The following ZNF268 variants were observed in gnomAD, a reference collection of about 807,000 sequenced individuals.
The protein encoded by ZNF268 is zinc finger protein 3.
A neutral mutation model predicts 29.3 loss-of-function variants in ZNF268; 20 were observed. The ratio of observed to expected loss-of-function variants is 0.68; its 90% confidence interval spans 0.48 to 0.99. The LOEUF (loss-of-function observed/expected upper bound fraction) is 0.99. Among genes scored for constraint, ZNF268 ranks in the 50% least tolerant of loss-of-function variants. ZNF268 has a pLI of 0.00. For synonymous variants in ZNF268, 429 were observed against 376.9 expected, an observed-to-expected ratio of 1.14 and a Z score of -1.60; for missense variants, 1,240 against 1,121.6, an observed-to-expected ratio of 1.11 and a Z score of -1.51.
intron 5 of ZNF268, among the ~76,000 whole-genome samples, chr12:133,201,614 G>A (rs550627591): frequency 6.6e-6 from 1 of 152,106 alleles, no homozygotes; most frequent in East Asian, 1.9e-4. Context: ...TCCTGTTAAG[G>A]AATGATGTTC....
rs1251538307 is a variant in ZNF268 at position 133,207,899 on chromosome 12, G to A, written c.*3369G>A. The A allele has an allele frequency of 6.6e-6, 1 of 152,080 alleles. No homozygotes were observed. 9.4% of individuals were successfully genotyped at this position (152,080 alleles called of 1,614,324 possible). On this transcript the variant is annotated 3_prime_UTR_variant, in exon 6 of 6. Transcript: ENST00000536435. ...ACTCATAAGGATTATCTCAGTATAT[G>A]CTGATAAATCACTTGATGGAATTTA...
rs1956925301 is a variant in ZNF268 at position 133,207,778 on chromosome 12, A to C, written c.*3248A>C. On this transcript the variant is annotated 3_prime_UTR_variant, in exon 6 of 6. Coordinates refer to ENST00000536435, the MANE Select transcript of ZNF268 (RefSeq NM_003415.3). ...AGCTGAGATCGTACCACTGTACTCC[A>C]CCCTGGGTGACAGAACTAGACCCTG... The C allele has an allele frequency of 6.6e-6, 1 of 152,200 alleles. No homozygotes were observed. The highest frequency in any genetic ancestry group is 6.5e-5 in the Admixed American group (1 of 15,274). 9.4% of individuals were successfully genotyped at this position (152,200 alleles called of 1,614,324 possible).
intron 2 of ZNF268, among the ~76,000 whole-genome samples, chr12:133,183,861 A>C (rs1956238271): frequency 6.6e-6 from 1 of 152,230 alleles, no homozygotes. Flanking sequence ...ACCCAAGAAA[A>C]GTAAGACAAA....
intron 2 of ZNF268, chr12:133,184,864 A>T (rs1342166476): frequency 3.2e-6 from 1 of 316,562 alleles, no homozygotes; most frequent in African/African-American, 2.1e-5. Flanking sequence ...TTGAAACCGT[A>T]GCAGTCATAA....
rs1472057809 is a variant in ZNF268, at chr12:133,207,297, GAACATA to G, written c.*2768_*2773del. ...AAAATGACTTGCAAACCATATTTGT[GAACATA>G]GGTTTAAAAATCCATATTTGTGAAC... On this transcript the variant is annotated 3_prime_UTR_variant, in exon 6 of 6. Transcript: ENST00000536435. The G allele has an allele frequency of 1.7e-4, 4 of 23,024 alleles. No individual in the cohort carries two copies. The highest frequency in any genetic ancestry group is 6.2e-4 in the Admixed American group (1 of 1,620). 1.4% of individuals were successfully genotyped at this position (23,024 alleles called of 1,614,324 possible). A position where few individuals can be genotyped will look rare whatever the true frequency, so the allele number is the denominator to read the frequency against.
At position 133,204,413 on chromosome 12, in the gene ZNF268, A is replaced by G. The variant is rs1956847526; in HGVS notation, c.2727A>G (p.Ala909=). The G allele has an allele frequency of 6.4e-7, 1 of 1,567,966 alleles. No homozygotes were observed. Among genetic ancestry groups the G allele is most frequent in the African/African-American group, 1.4e-5 (1 of 73,960 alleles). The change falls in exon 6 of 6, where the codon GCA becomes GCG. Residue 909 remains alanine, a synonymous_variant. Coordinates refer to ENST00000536435, the MANE Select transcript of ZNF268 (RefSeq NM_003415.3). The stretch of plus-strand genomic sequence containing the variant: ...TCTCTCAAAAATCAATTCTCAGTGC[A>G]CATCAGAGAACACATACAGGAGAGA... ...KTFSQKSILS[A]HQRTHTGEKP... is the part of the protein sequence containing the mutation.
Position 133,209,432 on chromosome 12 carries a change from TG to T in ZNF268, c.*4904del, listed in dbSNP as rs1360643623. 6.6e-6 allele frequency: 1 copy of T among 152,234 alleles called. No individual in the cohort carries two copies. Among genetic ancestry groups the T allele is most frequent in the African/African-American group, 2.4e-5 (1 of 41,466 alleles). 9.4% of individuals were successfully genotyped at this position (152,234 alleles called of 1,614,324 possible). A position where few individuals can be genotyped will look rare whatever the true frequency, so the allele number is the denominator to read the frequency against. ...ATAAATCTTAAATAAATTCTGATTT[TG>T]GTATAAATGATATATTTAAATTTAA... On this transcript the variant is annotated 3_prime_UTR_variant, in exon 6 of 6. Coordinates refer to ENST00000536435, the MANE Select transcript of ZNF268 (RefSeq NM_003415.3).
rs111710298 is a variant in ZNF268 at position 133,198,089 on chromosome 12, C to T, written c.458-4055C>T. Among the ~76,000 whole-genome samples, 10 of 151,944 alleles carry T rather than the reference C, an allele frequency of 6.6e-5. No individual in the cohort carries two copies. The East Asian group carries it at 1.7e-3, about 26-fold the overall frequency. On this transcript the variant is annotated intron_variant, in intron 5 of 5. Coordinates refer to ENST00000536435, the MANE Select transcript of ZNF268 (RefSeq NM_003415.3). ...TTTTGTTGCCATTGCTTTTGCTGTT[C>T]TAGACATGAAGTCCTTGCCCATGCC... is the stretch of plus-strand genomic sequence containing the variant.
chr12:133,205,173 A>C lies in ZNF268; in HGVS notation c.*643A>C, dbSNP rs1169371017. 3 of 116,272 alleles carry C rather than the reference A, an allele frequency of 2.6e-5. No homozygotes were observed. The highest frequency in any genetic ancestry group is 1.0e-4 in the African/African-American group (3 of 28,762). 7.2% of individuals were successfully genotyped at this position (116,272 alleles called of 1,614,324 possible). On this transcript the variant is annotated 3_prime_UTR_variant, in exon 6 of 6. Coordinates refer to ENST00000536435, the MANE Select transcript of ZNF268 (RefSeq NM_003415.3). ...AAAAAAAAAAAAAAAAAAAAAAAAA[A>C]CCAACCTGTTATTATATCTTAATAT...
At chr12:133,186,567 G>A (rs963254110) in intron 2 of ZNF268, among the ~76,000 whole-genome samples, 1 of 151,686 alleles carries the variant, frequency 6.6e-6, no homozygotes, top group African/African-American at 2.4e-5. Context: ...TAGTAGAGAC[G>A]GGGTTTTACT....
intron 5 of ZNF268, among the ~76,000 whole-genome samples, chr12:133,200,667 T>A (rs373096404): frequency 1.3e-5 from 2 of 152,144 alleles, no homozygotes; most frequent in African/African-American, 4.8e-5. Context: ...ATCCTTAGTC[T>A]TATTTCCTAT....
At chr12:133,182,051 A>G in intron 2 of ZNF268, 21 bp downstream of exon 2, 1 of 1,554,968 alleles carries the variant, frequency 6.4e-7, no homozygotes. Flanking sequence ...GTTTTCTTTC[A>G]TTCTTGAAAA....
At chr12:133,184,605 C>CTTTA (rs956299568) in intron 2 of ZNF268, 11 of 357,104 alleles carry the variant, frequency 3.1e-5, no homozygotes, top group Admixed American at 8.3e-5. Context: ...GGCCGCACCT[C>CTTTA]TTTATTTATT....
In ZNF268 at chr12:133,202,135, C is replaced by A; in HGVS notation, c.458-9C>A. ...TTTATAACATGTGACCAATTGTTCT[C>A]ATTTCTAGACACAGTCTGGAAAATT... is the stretch of plus-strand genomic sequence containing the variant. On this transcript the variant is annotated splice_polypyrimidine_tract_variant and intron_variant, in intron 5 of 5. Coordinates refer to ENST00000536435, the MANE Select transcript of ZNF268 (RefSeq NM_003415.3). 1 of 1,552,042 alleles carries A rather than the reference C, an allele frequency of 6.4e-7. No homozygotes were observed. Among genetic ancestry groups the A allele is most frequent in the African/African-American group, 1.4e-5 (1 of 72,514 alleles).
Position 133,210,987 on chromosome 12 carries a change from T to TA in ZNF268, c.*6458dup, listed in dbSNP as rs1472273411. ...CCAGTGAACCCCTGAAATTCAATCT[T>TA]ACGATTTTCCATGCCATAATTTTGG... On this transcript the variant is annotated 3_prime_UTR_variant, in exon 6 of 6. Transcript: ENST00000536435. The TA allele has an allele frequency of 4.4e-6, 2 of 455,956 alleles. No homozygotes were observed. The highest frequency in any genetic ancestry group is 2.0e-5 in the African/African-American group (1 of 50,058). The allele number at this position is 455,956 out of a possible 1,614,324, so 28.2% of individuals were successfully genotyped here. A position where few individuals can be genotyped will look rare whatever the true frequency, so the allele number is the denominator to read the frequency against.
At chr12:133,195,044 AG>A (rs1956562007) in intron 5 of ZNF268, among the ~76,000 whole-genome samples, 1 of 66,178 alleles carries the variant, frequency 1.5e-5, no homozygotes, top group Non-Finnish European at 3.4e-5. Context: ...GATAGAGACA[AG>A]TCTAGGGTCC....
rs752905934 is a variant in ZNF268 at position 133,204,278 on chromosome 12, T to G, written c.2592T>G (p.Tyr864Ter). The change falls in exon 6 of 6, where the codon TAT (tyrosine) becomes TAG (stop). Residue 864 changes from tyrosine (Y) to a stop codon, truncating the protein, a stop_gained. Transcript: ENST00000536435. LOFTEE classifies it high-confidence loss of function. ...HQRMHTREKP[Y>*]ECSECGKAFI... ...GAATGCACACAAGAGAGAAACCATA[T>G]GAATGCAGTGAGTGTGGAAAAGCCT... 1.9e-6 allele frequency: 3 copies of G among 1,551,996 alleles called. No homozygotes were observed. The African/African-American group carries it at 4.1e-5, about 21-fold the overall frequency.
intron 2 of ZNF268, among the ~76,000 whole-genome samples, chr12:133,183,455 G>A (rs1156412067): frequency 3.3e-5 from 5 of 151,340 alleles, no homozygotes; most frequent in Non-Finnish European, 5.9e-5. Flanking sequence ...AGCCGAGATC[G>A]CGCCACTGCA....
At chr12:133,199,029 C>T (rs1483094251) in intron 5 of ZNF268, among the ~76,000 whole-genome samples, 2 of 151,700 alleles carry the variant, frequency 1.3e-5, no homozygotes, top group African/African-American at 2.4e-5. Context: ...CCCTTTATTT[C>T]CTTCTCCTGC....
Sources: gnomAD v4.1 joint callset for allele counts (sites outside exome capture counted in the v4.1 genomes callset) on GRCh38, gnomAD v4.1.1 for gene constraint, MANE v1.5 for transcripts, NCBI Gene and HGNC (gene_info 2026-07-23, HGNC 2026-07-21) for gene names.